Variants in THOC5 observed in about 807,000 individuals in gnomAD.
THOC5 encodes THO complex subunit 5.
THOC5 carries 43 observed loss-of-function variants against 92.9 expected under a neutral mutation model. That is an observed-to-expected ratio of 0.46 (90% CI 0.36 to 0.60). THOC5 has a LOEUF of 0.60. THOC5 is among the 20% of genes least tolerant of loss of function. THOC5 has a pLI of 0.00. For synonymous variants in THOC5, 296 were observed against 320.1 expected (o/e 0.92, Z 0.80); for missense variants, 659 against 849.4 (o/e 0.78, Z 2.79).
chr22:29,523,674 C>T (rs1208775079), intron 12 of THOC5, among the ~76,000 whole-genome samples: 2 of 152,106 alleles, frequency 1.3e-5, no homozygotes, highest in Non-Finnish European at 2.9e-5. Context: ...AAAGAGATGG[C>T]AGGACCCTCT....
chr22:29,552,810 T>A (rs1410248913), intron 1 of THOC5, among the ~76,000 whole-genome samples: 1 of 152,032 alleles, frequency 6.6e-6, no homozygotes, highest in African/African-American at 2.4e-5. Flanking sequence ...GGGGGAAATG[T>A]GGGGAAAAGA....
chr22:29,512,194 G>T, intron 17 of THOC5, 58 bp from the exon 18 acceptor site: 1 of 1,426,664 alleles, frequency 7.0e-7, no homozygotes, highest in Non-Finnish European at 9.9e-7. Context: ...TGCCAGCCAT[G>T]GCAGCCTCCC....
At chr22:29,522,101 A>C (rs2063452879) in intron 12 of THOC5, among the ~76,000 whole-genome samples, 1 of 152,078 alleles carries the variant, frequency 6.6e-6, no homozygotes, top group African/African-American at 2.4e-5. Context: ...CTGTAATCCC[A>C]GCACTTTGAG....
chr22:29,552,564 CGG>C (rs1181806280), intron 1 of THOC5, among the ~76,000 whole-genome samples: 1 of 149,232 alleles, frequency 6.7e-6, no homozygotes, highest in Non-Finnish European at 1.5e-5. Flanking sequence ...CCGCCCCGTC[CGG>C]GGGGGAGGTG....
Position 29,530,738 on chromosome 22 carries a change from T to C in THOC5, c.847+1093A>G, listed in dbSNP as rs143368421. ...ACACCAGGTATGACACCTCATTGAG[T>C]GATGTCTTGAGACCCCCTCTGAGGG... On this transcript the variant is annotated intron_variant, in intron 8 of 19. Transcript: ENST00000490103. Among the ~76,000 whole-genome samples the C allele has an allele frequency of 5.5e-3, 838 of 152,112 alleles. 4 individuals carry two copies. The highest frequency in any genetic ancestry group is 8.5e-3 in the Non-Finnish European group (577 of 67,990).
rs1452362652 is a variant in THOC5 at position 29,519,048 on chromosome 22, C to A, written c.1447G>T (p.Val483Leu). Reference protein sequence around the residue: ...ETTMKLLKTRVQSRLALHKQF... With the variant: ...ETTMKLLKTRLQSRLALHKQF... ...TTGTGGAGGGCCAGGCGGGACTGCA[C>A]CCTGGTCTTCAGAAGTTTCATGGTG... The change falls in exon 15 of 20, where the codon GTG becomes TTG. Residue 483 changes from valine to leucine, a missense_variant. Transcript: ENST00000490103. The A allele has an allele frequency of 5.0e-6, 8 of 1,610,764 alleles. No individual in the cohort carries two copies. The highest frequency in any genetic ancestry group is 6.8e-6 in the Non-Finnish European group (8 of 1,178,504).
chr22:29,528,364 G>A (rs1036150273), intron 10 of THOC5, 62 bp downstream of exon 10: 18 of 1,613,954 alleles, frequency 1.1e-5, no homozygotes, highest in South Asian at 2.2e-5. Flanking sequence ...CGGCACCTGC[G>A]AACAAGCATG....
At chr22:29,537,852 T>C (rs528252191) in intron 6 of THOC5, among the ~76,000 whole-genome samples, 8 of 151,970 alleles carry the variant, frequency 5.3e-5, no homozygotes, top group South Asian at 2.1e-4. Flanking sequence ...GATCACACCA[T>C]TGCATTCCAG....
chr22:29,538,711 C>T (rs1386280824), intron 6 of THOC5, among the ~76,000 whole-genome samples: 3 of 145,302 alleles, frequency 2.1e-5, no homozygotes, highest in Non-Finnish European at 4.5e-5. Flanking sequence ...GCAGAAGGAT[C>T]GCTTGAGCCC....
At position 29,526,032 on chromosome 22, in the gene THOC5, G is replaced by A. The variant is rs569092567; in HGVS notation, c.1067-86C>T. The A allele has an allele frequency of 3.8e-4, 207 of 547,480 alleles. 3 individuals are homozygous for A. In the African/African-American group the frequency reaches 4.1e-3, roughly 11 times the overall value. 33.9% of individuals were successfully genotyped at this position (547,480 alleles called of 1,614,324 possible). A position where few individuals can be genotyped will look rare whatever the true frequency, so the allele number is the denominator to read the frequency against. ...GTCATAGGGGGTAGTAAGGTGGGGG[G>A]GTCAAGTGTTGAAAAACTAACTACT... On this transcript the variant is annotated intron_variant, in intron 11 of 19. Coordinates refer to ENST00000490103, the MANE Select transcript of THOC5 (RefSeq NM_003678.5).
At position 29,543,623 on chromosome 22, in the gene THOC5, T is replaced by C. The variant is rs376295774; in HGVS notation, c.241-81A>G. ...TCAGTCCTTCACCACTGACCCATCCTCATCTGGGGCCAAAAACGGCACCGG... is the reference window on the plus strand; with the variant it reads ...TCAGTCCTTCACCACTGACCCATCCCCATCTGGGGCCAAAAACGGCACCGG... On this transcript the variant is annotated intron_variant, in intron 3 of 19. Coordinates refer to ENST00000490103, the MANE Select transcript of THOC5 (RefSeq NM_003678.5). 1.4e-5 allele frequency: 15 copies of C among 1,036,262 alleles called. No homozygotes were observed. The African/African-American group carries it at 2.4e-4, about 17-fold the overall frequency. 64.2% of individuals were successfully genotyped at this position (1,036,262 alleles called of 1,614,324 possible). A position where few individuals can be genotyped will look rare whatever the true frequency, so the allele number is the denominator to read the frequency against.
chr22:29,536,768 T>A (rs774664832), intron 6 of THOC5, 30 bp from the exon 7 acceptor site: 1 of 1,263,444 alleles, frequency 7.9e-7, no homozygotes, highest in Middle Eastern at 1.9e-4. Context: ...CATTGTCACC[T>A]GATATCCCCC....
At chr22:29,509,737 C>T (rs1234268563) in intron 19 of THOC5, among the ~76,000 whole-genome samples, 2 of 139,868 alleles carry the variant, frequency 1.4e-5, no homozygotes, top group African/African-American at 5.3e-5. Flanking sequence ...AGGTAAGGCA[C>T]TGCTTAGACT....
chr22:29,530,101 C>CAGTAA, intron 8 of THOC5, among the ~76,000 whole-genome samples: 1 of 151,522 alleles, frequency 6.6e-6, no homozygotes, highest in East Asian at 1.9e-4. Context: ...CAAGATCATG[C>CAGTAA]TACTGCACTG....
intron 5 of THOC5, among the ~76,000 whole-genome samples, chr22:29,541,226 C>T (rs2063874918): frequency 6.6e-6 from 1 of 151,652 alleles, no homozygotes. Flanking sequence ...AAATCAGCAT[C>T]AGGCCAGGCT....
At position 29,512,100 on chromosome 22, in the gene THOC5, T is replaced by C. The variant is rs1273129690; in HGVS notation, c.1718A>G (p.Tyr573Cys). 2.5e-6 allele frequency: 4 copies of C among 1,613,776 alleles called. No individual in the cohort carries two copies. Among genetic ancestry groups the C allele is most frequent in the Non-Finnish European group, 3.4e-6 (4 of 1,179,966 alleles). The change falls in exon 18 of 20, where the codon TAC becomes TGC. Residue 573 changes from tyrosine to cysteine, a missense_variant. By Grantham distance (194) the Tyr-to-Cys change is radical (BLOSUM62 -2). Transcript: ENST00000490103. ...LQAAVVLNPG[Y>C]SSIPPVFQLC... Reference sequence around the variant, plus strand: ...CTGGAAAACAGGTGGGATGGAGGAGTAGCCAGGGTTCAACACCACAGCGGC... The same window carrying C: ...CTGGAAAACAGGTGGGATGGAGGAGCAGCCAGGGTTCAACACCACAGCGGC...
intron 19 of THOC5, among the ~76,000 whole-genome samples, chr22:29,510,370 G>A (rs1452991777): frequency 1.3e-5 from 2 of 152,212 alleles, no homozygotes. Flanking sequence ...GCTGAGACAA[G>A]CTGATCACTT....
intron 3 of THOC5, 108 bp from the exon 4 acceptor site, chr22:29,543,650 G>A (rs2063949734): frequency 3.0e-6 from 2 of 666,830 alleles, no homozygotes; most frequent in East Asian, 5.4e-5. Flanking sequence ...CGGCACCGGA[G>A]GGAGCTCAGA....
chr22:29,517,237 G>C (rs918399099), intron 16 of THOC5, 26 bp downstream of exon 16: 9 of 1,609,994 alleles, frequency 5.6e-6, no homozygotes, highest in East Asian at 4.5e-5. Context: ...AGGACAGTAA[G>C]GGTAACTTGT....
Sources: allele counts gnomAD v4.1 joint callset (sites outside exome capture counted in the v4.1 genomes callset), GRCh38; gene constraint gnomAD v4.1.1; transcripts MANE v1.5; gene names NCBI Gene and HGNC (gene_info 2026-07-23, HGNC 2026-07-21).